The following PNPLA7 variants were observed in gnomAD, a reference collection of about 807,000 sequenced individuals.
The protein encoded by PNPLA7 is patatin like domain 7, lysophospholipase.
A neutral mutation model predicts 161.7 loss-of-function variants in PNPLA7; 153 were observed. The ratio of observed to expected loss-of-function variants is 0.95; its 90% CI spans 0.83 to 1.08. The LOEUF is 1.08. Ranked by LOEUF, PNPLA7 falls within the 50% of genes least tolerant of loss-of-function variation. The pLI is 0.00. For missense variants in PNPLA7, 1,739 were observed against 1,856.6 expected (o/e 0.94, Z 1.16); for synonymous variants, 809 against 782.1 (o/e 1.03, Z -0.57).
At chr9:137,511,078 C>T (rs1388214720) in intron 12 of PNPLA7, among the ~76,000 whole-genome samples, 1 of 152,244 alleles carries the variant, frequency 6.6e-6, no homozygotes, top group Non-Finnish European at 1.5e-5. Flanking sequence ...CTCTGTCACG[C>T]CCAGATAAGG....
In PNPLA7 at chr9:137,460,453, A is replaced by G; in HGVS notation, c.3969T>C (p.His1323=). The G allele has an allele frequency of 6.2e-7, 1 of 1,612,706 alleles. No individual in the cohort carries two copies. Among genetic ancestry groups the G allele is most frequent in the Non-Finnish European group, 8.5e-7 (1 of 1,179,936 alleles). The change falls in exon 35 of 35, where the codon CAT becomes CAC. Residue 1323 remains histidine, a synonymous_variant. Coordinates refer to ENST00000406427, the MANE Select transcript of PNPLA7 (RefSeq NM_001098537.3). ...TTGGGAAAGCCAGACTGGGGTGTCG[A>G]TGCCGCAGTGAGGACTCGTCCTCCT... ...SDLEDESSLR[H]RHPSLAFPKL... is the part of the protein sequence containing the mutation.
At chr9:137,463,903 C>T (rs1437521008) in intron 28 of PNPLA7, among the ~76,000 whole-genome samples, 3 of 152,242 alleles carry the variant, frequency 2.0e-5, no homozygotes, top group Non-Finnish European at 4.4e-5. Flanking sequence ...ATTGCTGATT[C>T]TGTGAGGGTC....
chr9:137,464,253 G>A (rs1831360970), intron 27 of PNPLA7, 58 bp from the exon 28 acceptor site: 2 of 1,610,002 alleles, frequency 1.2e-6, no homozygotes, highest in African/African-American at 1.3e-5. Context: ...TCCTGTGTCT[G>A]GGGAGGCTGA....
chr9:137,538,303 G>A (rs1418555264), intron 8 of PNPLA7, among the ~76,000 whole-genome samples: 8 of 151,916 alleles, frequency 5.3e-5, no homozygotes, highest in Non-Finnish European at 8.8e-5. Flanking sequence ...TCCCACCCAC[G>A]CCTCCACCCC....
intron 9 of PNPLA7, among the ~76,000 whole-genome samples, chr9:137,522,106 G>A (rs922664237): frequency 2.0e-4 from 31 of 152,026 alleles, no homozygotes; most frequent in African/African-American, 6.8e-4. Context: ...ATGGTGTCTC[G>A]CTATGCCGCC....
rs540104496 is a variant in PNPLA7 at position 137,508,585 on chromosome 9, A to G, written c.1226-2502T>C. 2.0e-5 allele frequency among the ~76,000 whole-genome samples: 3 copies of G among 152,194 alleles called. No homozygotes were observed. In the East Asian group the frequency reaches 5.8e-4, roughly 29 times the overall value. The stretch of plus-strand genomic sequence containing the variant: ...TCTGTCTCAAAAAAAAAAGAAAAGG[A>G]AAAAGAAAAAAGAAAAGGATATATC... On this transcript the variant is annotated intron_variant, in intron 12 of 34. Transcript: ENST00000406427.
intron 25 of PNPLA7, among the ~76,000 whole-genome samples, chr9:137,472,607 C>T (rs1163660382): frequency 7.0e-6 from 1 of 143,696 alleles, no homozygotes; most frequent in African/African-American, 2.6e-5. Context: ...GCCGAGATTG[C>T]ACCGTTGCAC....
chr9:137,487,949 C>A (rs551963008), intron 20 of PNPLA7, among the ~76,000 whole-genome samples: 1 of 152,230 alleles, frequency 6.6e-6, no homozygotes, highest in Non-Finnish European at 1.5e-5. Flanking sequence ...ACGGGAGGAG[C>A]GGGGGACTCA....
chr9:137,462,584 CT>C, intron 30 of PNPLA7, 100 bp downstream of exon 30: 1 of 1,496,468 alleles, frequency 6.7e-7, no homozygotes, highest in Middle Eastern at 2.1e-4. Flanking sequence ...ACCTGCTGGC[CT>C]CAGAGCCCAG....
rs571599539 is a variant in PNPLA7, at chr9:137,502,432, C to T, written c.1474-705G>A. On this transcript the variant is annotated intron_variant, in intron 14 of 34. Coordinates refer to ENST00000406427, the MANE Select transcript of PNPLA7 (RefSeq NM_001098537.3). ...GAAGGGGGTGAAGGCAGCTCCCCCC[C>T]AAAAGAGAAATGACATCACATGTCG... Among the ~76,000 whole-genome samples, 11 of 151,092 alleles carry T rather than the reference C, an allele frequency of 7.3e-5. No homozygotes were observed. The East Asian group carries it at 2.2e-3, about 31-fold the overall frequency.
intron 12 of PNPLA7, among the ~76,000 whole-genome samples, chr9:137,511,662 A>G (rs1834245781): frequency 6.6e-6 from 1 of 152,202 alleles, no homozygotes; most frequent in Non-Finnish European, 1.5e-5. Context: ...GACATTCCCC[A>G]GGCCTGCCCG....
At chr9:137,501,167 C>T (rs1833388903) in intron 15 of PNPLA7, among the ~76,000 whole-genome samples, 1 of 152,236 alleles carries the variant, frequency 6.6e-6, no homozygotes. Context: ...CACCCGCATA[C>T]TGACTGTCCC....
In PNPLA7 at chr9:137,547,379, A is replaced by C; in HGVS notation, c.123T>G (p.Val41=). 6.2e-7 allele frequency: 1 copy of C among 1,613,566 alleles called. No individual in the cohort carries two copies. The highest frequency in any genetic ancestry group is 8.5e-7 in the Non-Finnish European group (1 of 1,180,004). ...SPSTMLTGIA[V]GALLALALVG... Reference sequence around the variant, plus strand: ...CCAAGGCCAGGGCCAGGAGGGCTCCAACTGCAATCCCCGTCAGCTGGCCGA... The same window carrying C: ...CCAAGGCCAGGGCCAGGAGGGCTCCCACTGCAATCCCCGTCAGCTGGCCGA... The change falls in exon 3 of 35, where the codon GTT becomes GTG. Residue 41 remains valine, a synonymous_variant. Coordinates refer to ENST00000406427, the MANE Select transcript of PNPLA7 (RefSeq NM_001098537.3). This position sits in a 1 kb window ranked among gnomAD's most constrained non-coding sequence, Gnocchi z 4.6.
At chr9:137,474,969 C>G (rs1219940125) in intron 25 of PNPLA7, among the ~76,000 whole-genome samples, 4 of 110,094 alleles carry the variant, frequency 3.6e-5, no homozygotes, top group African/African-American at 2.2e-4. Flanking sequence ...TGCAGGGAGC[C>G]GAGCCGAGAT....
chr9:137,521,707 C>A lies in PNPLA7; in HGVS notation c.886G>T (p.Val296Leu). 1 of 1,610,616 alleles carries A rather than the reference C, an allele frequency of 6.2e-7. No homozygotes were observed. The highest frequency in any genetic ancestry group is 1.1e-5 in the South Asian group (1 of 90,972). Residue 296 changes from valine to leucine, a missense_variant, in exon 10 of 35, where the codon GTG becomes TTG. This residue lies in a region of PNPLA7 where 152 missense variants were observed against 193.5 expected (regional missense o/e 0.79). Coordinates refer to ENST00000406427, the MANE Select transcript of PNPLA7 (RefSeq NM_001098537.3). The stretch of plus-strand genomic sequence containing the variant: ...AGAAAGGTCACCCTCTGCAGCCGCA[C>A]CATGATGATCTGCAAGAACACGCCA... ...TLVRVVQIIMVRLQRVTFLAL... is the reference protein window; with the variant it reads ...TLVRVVQIIMLRLQRVTFLAL...
chr9:137,519,704 G>A (rs1019378818), intron 11 of PNPLA7, among the ~76,000 whole-genome samples: 6 of 151,082 alleles, frequency 4.0e-5, no homozygotes, highest in African/African-American at 1.5e-4. Flanking sequence ...CCTGAGGCAC[G>A]TGAGGGGACC....
At chr9:137,528,857 C>A (rs7020391) in intron 8 of PNPLA7, among the ~76,000 whole-genome samples, 1 of 152,032 alleles carries the variant, frequency 6.6e-6, no homozygotes, top group African/African-American at 2.4e-5. Context: ...CCCGCCACCA[C>A]GCCTGGCTAA....
intron 25 of PNPLA7, among the ~76,000 whole-genome samples, chr9:137,477,280 AGGCAG>A (rs897888327): frequency 3.9e-5 from 6 of 152,222 alleles, no homozygotes; most frequent in African/African-American, 1.4e-4. Flanking sequence ...TCTGACGACA[AGGCAG>A]GGGAGGAGGT....
chr9:137,503,620 GAGA>G (rs1202625456), intron 14 of PNPLA7, among the ~76,000 whole-genome samples: 2 of 132,498 alleles, frequency 1.5e-5, no homozygotes, highest in Non-Finnish European at 3.2e-5. Flanking sequence ...AAGGAGGAGG[GAGA>G]AGGAGGAGGG....
Sources: allele counts gnomAD v4.1 joint callset (sites outside exome capture counted in the v4.1 genomes callset), GRCh38; gene constraint gnomAD v4.1.1; regional missense constraint gnomAD v4.1.1; non-coding constraint Gnocchi (gnomAD v3.1); transcripts MANE v1.5; gene names NCBI Gene and HGNC (gene_info 2026-07-23, HGNC 2026-07-21).